The following TTLL7 variants were observed in gnomAD, a reference collection of about 807,000 sequenced individuals.
The protein encoded by TTLL7 is tubulin tyrosine ligase like 7.
A neutral mutation model predicts 120.2 loss-of-function variants in TTLL7; 53 were observed. The ratio of observed to expected loss-of-function variants is 0.44; its 90% CI spans 0.35 to 0.55. The LOEUF is 0.55. Among genes scored for constraint, TTLL7 ranks in the 20% least tolerant of loss-of-function variants. The pLI is 0.00. For missense variants in TTLL7, 803 were observed against 1,054.7 expected (o/e 0.76, Z 3.31); for synonymous variants, 353 against 351.7 (o/e 1.00, Z -0.04).
chr1:83,929,244 A>AG lies in TTLL7; in HGVS notation c.1048-15dup, dbSNP rs1334640708. ...GGCTCGGTTAATCTGAAATTTACAAAGAAGACAATATTGGAAGGTAAATAA... is the reference window on the plus strand; with the variant it reads ...GGCTCGGTTAATCTGAAATTTACAAAGGAAGACAATATTGGAAGGTAAATAA... On this transcript the variant is annotated splice_polypyrimidine_tract_variant and intron_variant, in intron 9 of 20. Coordinates refer to ENST00000260505, the MANE Select transcript of TTLL7 (RefSeq NM_024686.6). 6.4e-7 allele frequency: 1 copy of AG among 1,573,336 alleles called. No homozygotes were observed. Among genetic ancestry groups the AG allele is most frequent in the Non-Finnish European group, 8.7e-7 (1 of 1,146,694 alleles).
chr1:83,871,896 CAAAAAAA>C (rs1281907006), intron 20 of TTLL7, among the ~76,000 whole-genome samples: 1 of 44,004 alleles, frequency 2.3e-5, no homozygotes, highest in African/African-American at 7.0e-5. Flanking sequence ...GACTCCATCT[CAAAAAAA>C]AAAAAAAAAA....
intron 18 of TTLL7, among the ~76,000 whole-genome samples, chr1:83,903,644 AT>A (rs1369581799): frequency 3.9e-5 from 6 of 152,216 alleles, no homozygotes; most frequent in Non-Finnish European, 8.8e-5. Context: ...TGTAAATTTT[AT>A]GTAAATAGTT....
rs138788969 is a variant in TTLL7, at chr1:83,904,142, C to A, written c.2145G>T (p.Lys715Asn). Reference sequence around the variant, plus strand: ...ATGAAGCCACTTTGGTTTTATGATACTTCCAGTTATCAATGATCTGTTTGG... The same window carrying A: ...ATGAAGCCACTTTGGTTTTATGATAATTCCAGTTATCAATGATCTGTTTGG... ...LLIEDIIDNWKYHKTKVASYW... is the reference protein window; with the variant it reads ...LLIEDIIDNWNYHKTKVASYW... The change falls in exon 18 of 21, where the codon AAG (lysine) becomes AAT (asparagine). Residue 715 changes from lysine (K) to asparagine (N), a missense_variant. Around this residue, in one of 3 missense-constraint regions of TTLL7, gnomAD observed 388 missense variants for 450.4 expected, o/e 0.86. Coordinates refer to ENST00000260505, the MANE Select transcript of TTLL7 (RefSeq NM_024686.6). 6.2e-7 allele frequency: 1 copy of A among 1,611,638 alleles called. No individual in the cohort carries two copies. Among genetic ancestry groups the A allele is most frequent in the African/African-American group, 1.3e-5 (1 of 74,766 alleles).
intron 1 of TTLL7, among the ~76,000 whole-genome samples, chr1:83,994,968 A>G (rs530914106): frequency 6.6e-6 from 1 of 152,276 alleles, no homozygotes; most frequent in South Asian, 2.1e-4. Context: ...CACAAATACA[A>G]CACTGGAACC....
Position 83,870,000 on chromosome 1 carries a change from A to G in TTLL7, c.2626T>C (p.Ser876Pro), listed in dbSNP as rs752960605. ...TATCTGGATGTAAACAAAACATTGG[A>G]GCGAGTCATTCCAGGTGAATTGTAC... ...LKYNSPGMTR[S>P]NVLFTSRYGH... The change falls in exon 21 of 21, where the codon TCC becomes CCC. Residue 876 changes from serine to proline, a missense_variant. Around this residue, in one of 3 missense-constraint regions of TTLL7, gnomAD observed 388 missense variants for 450.4 expected, o/e 0.86. Transcript: ENST00000260505. The G allele has an allele frequency of 1.3e-6, 2 of 1,593,222 alleles. No individual in the cohort carries two copies. Among genetic ancestry groups the G allele is most frequent in the Admixed American group, 1.8e-5 (1 of 54,982 alleles).
At chr1:83,926,892 T>C (rs1475602716) in intron 10 of TTLL7, among the ~76,000 whole-genome samples, 1 of 152,170 alleles carries the variant, frequency 6.6e-6, no homozygotes, top group Non-Finnish European at 1.5e-5. Flanking sequence ...AGTAAAACCA[T>C]CACAGAATGA....
chr1:83,967,373 A>G (rs1650563049), intron 1 of TTLL7, among the ~76,000 whole-genome samples: 2 of 152,108 alleles, frequency 1.3e-5, no homozygotes, highest in Non-Finnish European at 1.5e-5. Flanking sequence ...ACTAGACCCC[A>G]TCTCCAACTT....
chr1:83,976,049 G>C (rs997289053), intron 1 of TTLL7, among the ~76,000 whole-genome samples: 10 of 150,378 alleles, frequency 6.6e-5, no homozygotes, highest in South Asian at 2.1e-4. Context: ...GTGTGTGTGT[G>C]TGTGTGTGTG....
intron 20 of TTLL7, chr1:83,880,277 A>T (rs1654327396): frequency 6.6e-6 from 1 of 152,004 alleles, no homozygotes; most frequent in Non-Finnish European, 1.5e-5. Context: ...CACTGCTATT[A>T]TTGTGATCAA....
Position 83,952,335 on chromosome 1 carries a change from CT to C in TTLL7, c.-125del. On this transcript the variant is annotated 5_prime_UTR_variant, in exon 2 of 21. Transcript: ENST00000260505. ...TCACTGAAAGTTCTTATCATATTATCTTGGTGGAATCCTCAGATTTCAGGAT... is the reference window on the plus strand; with the variant it reads ...TCACTGAAAGTTCTTATCATATTATCTGGTGGAATCCTCAGATTTCAGGAT... 1.0e-6 allele frequency: 1 copy of C among 957,692 alleles called. No individual in the cohort carries two copies. Among genetic ancestry groups the C allele is most frequent in the Non-Finnish European group, 1.5e-6 (1 of 652,372 alleles). 59.3% of individuals were successfully genotyped at this position (957,692 alleles called of 1,614,324 possible). A position where few individuals can be genotyped will look rare whatever the true frequency, so the allele number is the denominator to read the frequency against.
chr1:83,878,013 A>G (rs1364461936), intron 20 of TTLL7, among the ~76,000 whole-genome samples: 3 of 151,706 alleles, frequency 2.0e-5, no homozygotes, highest in African/African-American at 7.2e-5. Flanking sequence ...TTCATTTCTA[A>G]TATTTTTGTT....
chr1:83,937,604 C>T (rs1325280229), intron 8 of TTLL7, among the ~76,000 whole-genome samples: 1 of 152,152 alleles, frequency 6.6e-6, no homozygotes, highest in Non-Finnish European at 1.5e-5. Flanking sequence ...TATTCCTGTT[C>T]TAGGCTTGTG....
chr1:83,906,303 G>A (rs1276404298), intron 17 of TTLL7, 26 bp downstream of exon 17: 15 of 1,582,844 alleles, frequency 9.5e-6, no homozygotes, highest in Non-Finnish European at 1.2e-5. Flanking sequence ...CAGCTCCTTG[G>A]CATTTTAGAT....
chr1:83,955,461 T>C (rs921394199), intron 1 of TTLL7, among the ~76,000 whole-genome samples: 6 of 152,132 alleles, frequency 3.9e-5, no homozygotes, highest in South Asian at 4.1e-4. Context: ...AAGGACTTTA[T>C]AATCAAGGCT....
intron 1 of TTLL7, among the ~76,000 whole-genome samples, chr1:83,987,904 C>T (rs555159981): frequency 2.3e-4 from 35 of 152,216 alleles, no homozygotes; most frequent in African/African-American, 8.2e-4. Context: ...ATTTTAGATT[C>T]AGGGGGTACA....
intron 18 of TTLL7, among the ~76,000 whole-genome samples, chr1:83,896,768 A>C (rs938171763): frequency 4.6e-5 from 7 of 152,214 alleles, no homozygotes; most frequent in African/African-American, 1.7e-4. Context: ...GTACAACCTT[A>C]ATGTCATTAG....
chr1:83,987,971 A>T (rs1374426344), intron 1 of TTLL7, among the ~76,000 whole-genome samples: 1 of 152,140 alleles, frequency 6.6e-6, no homozygotes, highest in Non-Finnish European at 1.5e-5. Context: ...GGTATAATTG[A>T]TTCCATCACA....
chr1:83,918,776 C>A (rs1481813631), intron 13 of TTLL7, among the ~76,000 whole-genome samples: 2 of 152,040 alleles, frequency 1.3e-5, no homozygotes, highest in Non-Finnish European at 2.9e-5. Context: ...TGTAAAGAAA[C>A]TAAATTCCAA....
In TTLL7 at chr1:83,906,381, T is replaced by A. The variant is rs556657377; in HGVS notation, c.2075A>T (p.Lys692Met). The A allele has an allele frequency of 1.6e-5, 26 of 1,612,558 alleles. No homozygotes were observed. In the South Asian group the frequency reaches 2.6e-4, roughly 16 times the overall value. Residue 692 changes from lysine (K) to methionine (M), a missense_variant, in exon 17 of 21, where the codon AAG (lysine) becomes ATG (methionine). Around this residue, in one of 3 missense-constraint regions of TTLL7, gnomAD observed 388 missense variants for 450.4 expected, o/e 0.86. Coordinates refer to ENST00000260505, the MANE Select transcript of TTLL7 (RefSeq NM_024686.6). Reference sequence around the variant, plus strand: ...ATCTGACTTTCCTGGAAACCGGATCTTCATGTCTTTGAGAACAAATAAGGT... The same window carrying A: ...ATCTGACTTTCCTGGAAACCGGATCATCATGTCTTTGAGAACAAATAAGGT... Reference protein sequence around the residue: ...SQTLFVLKDMKIRFPGKSDAE... With the variant: ...SQTLFVLKDMMIRFPGKSDAE...
Sources: gnomAD v4.1 joint callset for allele counts (sites outside exome capture counted in the v4.1 genomes callset) on GRCh38, gnomAD v4.1.1 for gene constraint, gnomAD v4.1.1 regional missense constraint, MANE v1.5 for transcripts, NCBI Gene and HGNC (gene_info 2026-07-23, HGNC 2026-07-21) for gene names.